MGST3: variants seen among roughly 807,000 people sequenced by gnomAD.
MGST3 encodes glutathione S-transferase 3, mitochondrial.
A neutral mutation model predicts 15.8 loss-of-function variants in MGST3; 13 were observed. The ratio of observed to expected loss-of-function variants is 0.82; its 90% CI spans 0.54 to 1.31. The LOEUF (loss-of-function observed/expected upper bound fraction) is 1.31. Among genes scored for constraint, MGST3 ranks in the 50% most tolerant of loss-of-function variants. The pLI, the probability that MGST3 is intolerant of heterozygous loss-of-function variation, is 0.00. For synonymous variants in MGST3, 49 were observed against 68.1 expected (o/e 0.72, Z 1.38); for missense variants, 155 against 192.4 (o/e 0.81, Z 1.15).
intron 1 of MGST3, among the ~76,000 whole-genome samples, chr1:165,633,225 C>G (rs1045871054): frequency 6.6e-6 from 1 of 152,186 alleles, no homozygotes; most frequent in Non-Finnish European, 1.5e-5. Context: ...GTCACTCGCT[C>G]TTACAGTACC....
At chr1:165,651,420 C>G in intron 3 of MGST3, 1 of 404,556 alleles carries the variant, frequency 2.5e-6, no homozygotes, top group Non-Finnish European at 4.7e-6. Flanking sequence ...TGTAAGGAAA[C>G]CCACTCTGAC....
intron 3 of MGST3, 82 bp downstream of exon 3, chr1:165,651,169 T>C (rs1047087778): frequency 8.5e-7 from 1 of 1,178,648 alleles, no homozygotes; most frequent in Non-Finnish European, 1.3e-6. Flanking sequence ...TAGTGCGCTG[T>C]ATTTGCTGAG....
intron 1 of MGST3, among the ~76,000 whole-genome samples, chr1:165,637,353 C>T (rs1197114021): frequency 6.6e-6 from 1 of 152,186 alleles, no homozygotes; most frequent in Non-Finnish European, 1.5e-5. Context: ...TTAAGAATCT[C>T]ATTGTCATTT....
chr1:165,645,204 G>A (rs143733387), intron 1 of MGST3, among the ~76,000 whole-genome samples: 52 of 152,196 alleles, frequency 3.4e-4, no homozygotes, highest in Admixed American at 1.2e-3. Flanking sequence ...GTTTCTAACT[G>A]GAAGTGAAAT....
chr1:165,641,137 C>G (rs929364403), intron 1 of MGST3, among the ~76,000 whole-genome samples: 2 of 152,146 alleles, frequency 1.3e-5, no homozygotes, highest in East Asian at 1.9e-4. Flanking sequence ...GAGCCTAGAT[C>G]GTGCCACTTC....
At chr1:165,638,945 G>T (rs1648192881) in intron 1 of MGST3, among the ~76,000 whole-genome samples, 1 of 152,074 alleles carries the variant, frequency 6.6e-6, no homozygotes, top group Admixed American at 6.6e-5. Context: ...AAGGATGTCG[G>T]CACTTGCCAC....
intron 1 of MGST3, among the ~76,000 whole-genome samples, chr1:165,638,931 A>C (rs1210217560): frequency 6.6e-6 from 1 of 152,190 alleles, no homozygotes; most frequent in South Asian, 2.1e-4. Flanking sequence ...ATGAGGAAAG[A>C]GGCAAGGATG....
chr1:165,632,027 G>A, intron 1 of MGST3: 1 of 533,220 alleles, frequency 1.9e-6, no homozygotes, highest in Non-Finnish European at 3.4e-6. Context: ...GGCAGTTGCA[G>A]GGCGGTGGAA....
intron 1 of MGST3, among the ~76,000 whole-genome samples, chr1:165,642,819 A>G (rs1460669167): frequency 6.6e-6 from 1 of 152,236 alleles, no homozygotes; most frequent in Non-Finnish European, 1.5e-5. Flanking sequence ...AATGCAGACA[A>G]TTTGATTCCA....
At chr1:165,639,663 T>G (rs376795086) in intron 1 of MGST3, among the ~76,000 whole-genome samples, 11 of 151,888 alleles carry the variant, frequency 7.2e-5, no homozygotes, top group African/African-American at 2.4e-4. Context: ...ATTAGCTGGG[T>G]GTAGTGACAT....
chr1:165,635,150 T>G (rs2101713456), intron 1 of MGST3, among the ~76,000 whole-genome samples: 1 of 152,172 alleles, frequency 6.6e-6, no homozygotes, highest in East Asian at 1.9e-4. Flanking sequence ...TCCAGTGGGT[T>G]GTCCCTGGGA....
At chr1:165,647,726 CTT>C (rs10603252) in intron 1 of MGST3, 2,669 of 147,132 alleles carry the variant, frequency 0.018, 63 homozygotes, top group African/African-American at 0.062. Flanking sequence ...TGAGAGACAC[CTT>C]TTTTTTTTTT....
intron 1 of MGST3, chr1:165,632,120 C>T: frequency 1.2e-6 from 1 of 860,538 alleles, no homozygotes; most frequent in Non-Finnish European, 1.9e-6. Flanking sequence ...AGTTTACAAG[C>T]TACATAATAG....
chr1:165,653,739 T>C (rs1648624653), intron 4 of MGST3: 1 of 163,190 alleles, frequency 6.1e-6, no homozygotes, highest in South Asian at 1.7e-4. Flanking sequence ...GACCATGTAT[T>C]CTGGGAGAAG....
intron 2 of MGST3, 196 bp downstream of exon 2, chr1:165,650,160 T>A: frequency 1.5e-6 from 1 of 678,650 alleles, no homozygotes; most frequent in Non-Finnish European, 2.5e-6. Context: ...AGGGAGTAGT[T>A]TCCATCTTGT....
At chr1:165,633,944 G>A (rs937184248) in intron 1 of MGST3, among the ~76,000 whole-genome samples, 4 of 151,492 alleles carry the variant, frequency 2.6e-5, no homozygotes, top group African/African-American at 7.3e-5. Flanking sequence ...TTTCCTTCTC[G>A]TAATCTCTAC....
At chr1:165,653,821 G>A (rs1270357945) in intron 4 of MGST3, 1 of 229,446 alleles carries the variant, frequency 4.4e-6, no homozygotes, top group Admixed American at 5.2e-5. Context: ...AGCCCTGCCA[G>A]TGACTGACTT....
At chr1:165,642,862 A>G (rs1648296186) in intron 1 of MGST3, among the ~76,000 whole-genome samples, 2 of 152,230 alleles carry the variant, frequency 1.3e-5, no homozygotes, top group African/African-American at 4.8e-5. Flanking sequence ...TGTCTCGTGA[A>G]CTGCACTTAG....
chr1:165,631,567 A>G (rs1375368423), intron 1 of MGST3, among the ~76,000 whole-genome samples: 1 of 151,800 alleles, frequency 6.6e-6, no homozygotes, highest in African/African-American at 2.4e-5. Context: ...CTCAAGGTCA[A>G]CCCTTCCTCC....
Sources: allele counts gnomAD v4.1 joint callset (sites outside exome capture counted in the v4.1 genomes callset), GRCh38; gene constraint gnomAD v4.1.1; transcripts MANE v1.5; gene names NCBI Gene and HGNC (gene_info 2026-07-23, HGNC 2026-07-21).